The following SLC16A2 variants were observed in gnomAD, a reference collection of about 807,000 sequenced individuals.
The protein encoded by SLC16A2 is solute carrier family 16 member 2, also known as monocarboxylate transporter 8.
Under a neutral mutation model 27.2 loss-of-function variants are expected in SLC16A2, and 3 were observed. The ratio of observed to expected loss-of-function variants is 0.11; its 90% CI spans 0.05 to 0.28. SLC16A2 has a LOEUF of 0.28. Ranked by LOEUF, SLC16A2 falls within the 10% of genes least tolerant of loss-of-function variation. The probability of loss-of-function intolerance (pLI) is 1.00; values close to 1 mark genes in which losing one functional copy is unlikely to be tolerated. For missense variants in SLC16A2, 295 were observed against 458.5 expected, an observed-to-expected ratio of 0.64 and a Z score of 3.26; for synonymous variants, 202 against 187.8, an observed-to-expected ratio of 1.08 and a Z score of -0.62.
At chrX:74,467,487 C>G (rs1929274275) in intron 1 of SLC16A2, among the ~76,000 whole-genome samples, 1 of 111,376 alleles carries the variant, frequency 9.0e-6, no homozygotes, top group South Asian at 3.8e-4. Flanking sequence ...CCCTAGCACT[C>G]CCGCCCAAAG....
At chrX:74,505,306 GA>G (rs1930105193) in intron 1 of SLC16A2, among the ~76,000 whole-genome samples, 1 of 111,887 alleles carries the variant, frequency 8.9e-6, no homozygotes, top group South Asian at 3.8e-4. Flanking sequence ...CCTCTGTCCT[GA>G]AGGGGCTTTT....
At chrX:74,520,918 G>A in intron 1 of SLC16A2, 72 bp from the exon 2 acceptor site, 1 of 1,130,841 alleles carries the variant, frequency 8.8e-7, no homozygotes, top group African/African-American at 1.8e-5. Flanking sequence ...CAGAGAAGAA[G>A]AGCTGAGATA....
At chrX:74,445,716 A>G (rs1245303272) in intron 1 of SLC16A2, among the ~76,000 whole-genome samples, 2 of 106,516 alleles carry the variant, frequency 1.9e-5, no homozygotes, top group Non-Finnish European at 3.9e-5. Flanking sequence ...TGCACTATAC[A>G]TAGTCAGTGC....
At chrX:74,493,594 G>A (rs1236282673) in intron 1 of SLC16A2, among the ~76,000 whole-genome samples, 1 of 112,498 alleles carries the variant, frequency 8.9e-6, no homozygotes, top group Non-Finnish European at 1.9e-5. Context: ...GGGATGGCCC[G>A]AGCTCAGGGT....
rs778126618 is a variant in SLC16A2 at position 74,450,152 on chromosome X, G to T, written c.430+28085G>T. Among the ~76,000 whole-genome samples the T allele has an allele frequency of 4.4e-5, 5 of 112,464 alleles. No individual in the cohort carries two copies. In the South Asian group the frequency reaches 1.5e-3, roughly 33 times the overall value. On this transcript the variant is annotated intron_variant, in intron 1 of 5. Transcript: ENST00000587091. ...TTAGTCACCTCCTTCCAACCAAATTGCTTTCCCTAAGCCCTTTCTATTGAG... is the reference window on the plus strand; with the variant it reads ...TTAGTCACCTCCTTCCAACCAAATTTCTTTCCCTAAGCCCTTTCTATTGAG...
chrX:74,455,648 G>A (rs1281950445), intron 1 of SLC16A2, among the ~76,000 whole-genome samples: 1 of 110,615 alleles, frequency 9.0e-6, no homozygotes, highest in Non-Finnish European at 1.9e-5. Flanking sequence ...TTTGCTTCCG[G>A]TATAGAGGGC....
chrX:74,485,932 G>T (rs1388184992), intron 1 of SLC16A2, among the ~76,000 whole-genome samples: 3 of 111,064 alleles, frequency 2.7e-5, no homozygotes, highest in Non-Finnish European at 3.8e-5. Context: ...AGCTCGAGCC[G>T]TAACAAACAC....
At chrX:74,459,163 C>A (rs2147848224) in intron 1 of SLC16A2, among the ~76,000 whole-genome samples, 1 of 68,046 alleles carries the variant, frequency 1.5e-5, no homozygotes, top group African/African-American at 5.6e-5. Flanking sequence ...TGGCGTTTAC[C>A]TGTAACTGAG....
intron 1 of SLC16A2, among the ~76,000 whole-genome samples, chrX:74,519,991 A>G (rs1424379742): frequency 9.0e-6 from 1 of 111,422 alleles, no homozygotes; most frequent in Admixed American, 9.5e-5. Context: ...CAACAAAGTA[A>G]AGATTCCCAA....
intron 1 of SLC16A2, among the ~76,000 whole-genome samples, chrX:74,488,067 AT>A (rs1569293658): frequency 9.0e-6 from 1 of 111,613 alleles, no homozygotes; most frequent in Non-Finnish European, 1.9e-5. Context: ...AATTTACCAA[AT>A]TAATTTTACC....
intron 1 of SLC16A2, among the ~76,000 whole-genome samples, chrX:74,494,451 G>A (rs141642886): frequency 1.4e-3 from 151 of 111,404 alleles, no homozygotes; most frequent in African/African-American, 4.7e-3. Context: ...CTACAGTGTC[G>A]TTATAACACC....
chrX:74,475,477 T>G (rs1220029016), intron 1 of SLC16A2, among the ~76,000 whole-genome samples: 10 of 108,140 alleles, frequency 9.2e-5, no homozygotes, highest in Non-Finnish European at 1.5e-4. Flanking sequence ...AGAAGCTCTT[T>G]AGTTTAATTA....
chrX:74,473,253 G>A lies in SLC16A2; in HGVS notation c.431-47737G>A, dbSNP rs188915753. The A allele has an allele frequency of 7.8e-3, 5,683 of 731,383 alleles. 134 individuals carry two copies. The African/African-American group carries it at 0.086, about 11-fold the overall frequency. 60.3% of individuals were successfully genotyped at this position (731,383 alleles called of 1,213,427 possible). A position where few individuals can be genotyped will look rare whatever the true frequency, so the allele number is the denominator to read the frequency against. Reference sequence around the variant, plus strand: ...CAAATCCATTATAGCCATCCCCACCGCCACCATAACCACCACCACCATGAC... The same window carrying A: ...CAAATCCATTATAGCCATCCCCACCACCACCATAACCACCACCACCATGAC... On this transcript the variant is annotated intron_variant, in intron 1 of 5. Coordinates refer to ENST00000587091, the MANE Select transcript of SLC16A2 (RefSeq NM_006517.5).
intron 1 of SLC16A2, among the ~76,000 whole-genome samples, chrX:74,439,061 T>A (rs1255050694): frequency 9.0e-6 from 1 of 111,408 alleles, no homozygotes; most frequent in Non-Finnish European, 1.9e-5. Flanking sequence ...TTGGGCAGCG[T>A]GCCTAATGAA....
intron 1 of SLC16A2, among the ~76,000 whole-genome samples, chrX:74,447,429 T>C (rs1314729159): frequency 9.0e-6 from 1 of 110,999 alleles, no homozygotes; most frequent in Non-Finnish European, 1.9e-5. Flanking sequence ...TCCCAACACT[T>C]TGGGAGGCTG....
At chrX:74,437,876 G>T (rs752258592) in intron 1 of SLC16A2, among the ~76,000 whole-genome samples, 1 of 111,783 alleles carries the variant, frequency 8.9e-6, no homozygotes, top group African/African-American at 3.3e-5. Context: ...ATGGGCTCCA[G>T]CATATCACTT....
chrX:74,499,298 CT>C (rs1257384340), intron 1 of SLC16A2, among the ~76,000 whole-genome samples: 1 of 110,340 alleles, frequency 9.1e-6, no homozygotes, highest in African/African-American at 3.3e-5. Flanking sequence ...GTTGCACCCC[CT>C]GGCTGCACCC....
At chrX:74,439,476 A>T (rs1928701174) in intron 1 of SLC16A2, among the ~76,000 whole-genome samples, 1 of 79,394 alleles carries the variant, frequency 1.3e-5, no homozygotes, top group Non-Finnish European at 2.3e-5. Flanking sequence ...AGGCCCGGCT[A>T]ATTTTTTTTT....
chrX:74,521,084 C>A lies in SLC16A2; in HGVS notation c.525C>A (p.Thr175=). 1.7e-6 allele frequency: 2 copies of A among 1,211,816 alleles called. No homozygotes were observed. The change falls in exon 2 of 6, where the codon ACC becomes ACA. Residue 175 remains threonine, a synonymous_variant. Transcript: ENST00000587091. ...TDRLGCRITA[T]AGAAVAFIGL... is the part of the protein sequence containing the mutation. ...GTTTGGGCTGCCGAATCACAGCAAC[C>A]GCGGGGGCTGCCGTTGCTTTCATTG...
Sources: gnomAD v4.1 joint callset for allele counts (sites outside exome capture counted in the v4.1 genomes callset) on GRCh38, gnomAD v4.1.1 for gene constraint, MANE v1.5 for transcripts, NCBI Gene and HGNC (gene_info 2026-07-23, HGNC 2026-07-21) for gene names.